KLHL28: variants seen among roughly 807,000 people sequenced by gnomAD.
KLHL28 encodes kelch like family member 28.
A neutral mutation model predicts 48.3 loss-of-function variants in KLHL28; 22 were observed. The observed-to-expected ratio is 0.46, with a 90% CI of 0.33 to 0.65. The LOEUF (loss-of-function observed/expected upper bound fraction) is 0.65, where lower values mean the gene tolerates loss of function less well. Ranked by LOEUF, KLHL28 falls within the 30% of genes least tolerant of loss-of-function variation. The pLI, the probability that KLHL28 is intolerant of heterozygous loss-of-function variation, is 0.03. For missense variants in KLHL28, 527 were observed against 704.3 expected (o/e 0.75, Z 2.85); for synonymous variants, 243 against 242.4 (o/e 1.00, Z -0.02).
chr14:44,938,175 CG>C (rs1883906426), intron 2 of KLHL28, among the ~76,000 whole-genome samples: 1 of 152,072 alleles, frequency 6.6e-6, no homozygotes, highest in Admixed American at 6.6e-5. Context: ...CATATATAAG[CG>C]AGAGTCAAGG....
At position 44,931,516 on chromosome 14, in the gene KLHL28, C is replaced by T. The variant is rs571408461; in HGVS notation, c.1369G>A (p.Asp457Asn). Residue 457 changes from aspartate to asparagine, a missense_variant, in exon 4 of 5, where the codon GAC (aspartate) becomes AAC (asparagine). Coordinates refer to ENST00000396128, the MANE Select transcript of KLHL28 (RefSeq NM_017658.5). ...ATGGATGCAACCATCTCCCAGGAGT[C>T]CTTACTTGGATCATAACGCTCCACA... is the stretch of plus-strand genomic sequence containing the variant. ...NSVERYDPSK[D>N]SWEMVASMAD... The T allele has an allele frequency of 2.4e-5, 39 of 1,613,434 alleles. 1 individual carries two copies. In the South Asian group the frequency reaches 2.5e-4, roughly 10 times the overall value.
chr14:44,953,246 T>A (rs891208414), intron 1 of KLHL28, among the ~76,000 whole-genome samples: 4 of 152,176 alleles, frequency 2.6e-5, no homozygotes, highest in Non-Finnish European at 4.4e-5. Flanking sequence ...AATAGCCATA[T>A]GGAAACAGGT....
chr14:44,933,228 GC>G (rs1475561755), intron 3 of KLHL28, among the ~76,000 whole-genome samples: 3 of 151,942 alleles, frequency 2.0e-5, no homozygotes, highest in African/African-American at 7.3e-5. Context: ...CTGACTGTAT[GC>G]CCTGTCATTA....
At chr14:44,935,800 C>G in intron 2 of KLHL28, among the ~76,000 whole-genome samples, 1 of 146,738 alleles carries the variant, frequency 6.8e-6, no homozygotes, top group East Asian at 2.0e-4. Flanking sequence ...TTGATAGGTA[C>G]TTCAGTATTT....
At chr14:44,931,784 A>T (rs189309471) in intron 3 of KLHL28, among the ~76,000 whole-genome samples, 171 of 152,254 alleles carry the variant, frequency 1.1e-3, no homozygotes, top group African/African-American at 4.0e-3. Context: ...GTATATTAAG[A>T]GCATAGAACT....
chr14:44,935,839 T>C (rs1015293726), intron 2 of KLHL28, among the ~76,000 whole-genome samples: 3 of 145,392 alleles, frequency 2.1e-5, no homozygotes, highest in African/African-American at 5.0e-5. Context: ...CCATATACTA[T>C]ATAATCTTTT....
At chr14:44,930,132 A>C (rs1883520172) in intron 4 of KLHL28, among the ~76,000 whole-genome samples, 2 of 152,206 alleles carry the variant, frequency 1.3e-5, no homozygotes, top group South Asian at 4.1e-4. Flanking sequence ...TTCCCTCTCA[A>C]GGATACAAAA....
At chr14:44,940,450 C>A (rs1324428987) in intron 2 of KLHL28, among the ~76,000 whole-genome samples, 1 of 152,168 alleles carries the variant, frequency 6.6e-6, no homozygotes, top group Non-Finnish European at 1.5e-5. Context: ...CATATTTGCA[C>A]AACTATTCAA....
chr14:44,944,773 G>C (rs1234718859), intron 2 of KLHL28, among the ~76,000 whole-genome samples: 2 of 152,118 alleles, frequency 1.3e-5, no homozygotes, highest in African/African-American at 2.4e-5. Flanking sequence ...AGAGAAAATG[G>C]AATAAAAGTT....
At chr14:44,961,519 G>A (rs1419310190) in intron 1 of KLHL28, 1 of 152,098 alleles carries the variant, frequency 6.6e-6, no homozygotes, top group Non-Finnish European at 1.5e-5. Context: ...TCTGCGGCCG[G>A]AGGGTTAAGA....
Position 44,953,893 on chromosome 14 carries a change from G to T in KLHL28, c.-1+7953C>A, listed in dbSNP as rs1566578064. Reference sequence around the variant, plus strand: ...TTACATTTTAAAAACTTGGAATAAAGAAATCGTAAGTAAAAATATAAATGA... The same window carrying T: ...TTACATTTTAAAAACTTGGAATAAATAAATCGTAAGTAAAAATATAAATGA... On this transcript the variant is annotated intron_variant, in intron 1 of 4. Transcript: ENST00000396128. Among the ~76,000 whole-genome samples the T allele has an allele frequency of 2.6e-5, 4 of 152,068 alleles. No individual in the cohort carries two copies. In the South Asian group the frequency reaches 8.3e-4, roughly 32 times the overall value.
chr14:44,949,804 G>A (rs1884498147), intron 1 of KLHL28, among the ~76,000 whole-genome samples: 1 of 152,084 alleles, frequency 6.6e-6, no homozygotes, highest in Non-Finnish European at 1.5e-5. Context: ...ACAGGTTTAG[G>A]GATTTTAATT....
At chr14:44,931,867 G>A (rs1365644960) in intron 3 of KLHL28, among the ~76,000 whole-genome samples, 1 of 152,068 alleles carries the variant, frequency 6.6e-6, no homozygotes, top group African/African-American at 2.4e-5. Flanking sequence ...CCCTACTGCT[G>A]TGGATTTGTG....
chr14:44,931,809 C>T (rs1323585864), intron 3 of KLHL28, among the ~76,000 whole-genome samples: 1 of 152,036 alleles, frequency 6.6e-6, no homozygotes, highest in Admixed American at 6.6e-5. Context: ...GTCAGAAGAC[C>T]TGGGTTCAAG....
chr14:44,951,879 G>A (rs1266806466), intron 1 of KLHL28, among the ~76,000 whole-genome samples: 1 of 152,032 alleles, frequency 6.6e-6, no homozygotes, highest in Non-Finnish European at 1.5e-5. Flanking sequence ...TTTCAGACAG[G>A]TTCTCATTCC....
chr14:44,945,731 T>A lies in KLHL28; in HGVS notation c.198A>T (p.Gly66=), dbSNP rs1884305253. The part of the protein sequence containing the change: ...VSPYFKAMFT[G]NLSEKENSEV... ...CACTGTTCTCTTTTTCAGAAAGGTT[T>A]CCAGTGAACATAGCTTTGAAATACG... The change falls in exon 2 of 5, where the codon GGA becomes GGT. Residue 66 remains glycine (G), a synonymous_variant. Coordinates refer to ENST00000396128, the MANE Select transcript of KLHL28 (RefSeq NM_017658.5). 4 of 1,614,024 alleles carry A rather than the reference T, an allele frequency of 2.5e-6. No homozygotes were observed. In the Admixed American group the frequency reaches 6.7e-5, roughly 27 times the overall value.
In KLHL28 at chr14:44,945,458, A is replaced by C. The variant is rs764024103; in HGVS notation, c.471T>G (p.Thr157=). ...CTTCAAAATTCTGGCATATGTATTT[A>C]GTGGCTGCCAAATAAAGGTCACGGC... ...YGCRDLYLAA[T]KYICQNFEAV... The change falls in exon 2 of 5, where the codon ACT becomes ACG. Residue 157 remains threonine, a synonymous_variant. Coordinates refer to ENST00000396128, the MANE Select transcript of KLHL28 (RefSeq NM_017658.5). 2.5e-6 allele frequency: 4 copies of C among 1,614,104 alleles called. No individual in the cohort carries two copies. The African/African-American group carries it at 5.3e-5, about 22-fold the overall frequency.
intron 4 of KLHL28, among the ~76,000 whole-genome samples, chr14:44,929,778 C>T (rs1883505964): frequency 6.6e-6 from 1 of 152,166 alleles, no homozygotes; most frequent in Non-Finnish European, 1.5e-5. Flanking sequence ...TGTTCCACTG[C>T]ACTCCTGCCT....
At chr14:44,935,135 C>T (rs1038343469) in intron 2 of KLHL28, among the ~76,000 whole-genome samples, 3 of 152,198 alleles carry the variant, frequency 2.0e-5, no homozygotes, top group Non-Finnish European at 4.4e-5. Context: ...AAGAATACTA[C>T]ATGGCAATGA....
Sources: gnomAD v4.1 joint callset for allele counts (sites outside exome capture counted in the v4.1 genomes callset) on GRCh38, gnomAD v4.1.1 for gene constraint, MANE v1.5 for transcripts, NCBI Gene and HGNC (gene_info 2026-07-23, HGNC 2026-07-21) for gene names.